HNF4G: variants seen among roughly 807,000 people sequenced by gnomAD.
HNF4G encodes hepatocyte nuclear factor 4 gamma.
In HNF4G, 21 loss-of-function variants were observed where a neutral mutation model predicts 50.9. That is an observed-to-expected ratio of 0.41 (90% CI 0.29 to 0.59). HNF4G has a LOEUF of 0.59. HNF4G is among the 20% of genes least tolerant of loss of function. HNF4G has a pLI of 0.26. For synonymous variants in HNF4G, 198 were observed against 185.6 expected, an observed-to-expected ratio of 1.07 and a Z score of -0.54; for missense variants, 527 against 559.4, an observed-to-expected ratio of 0.94 and a Z score of 0.58.
chr8:75,414,524 A>G (rs1810584392), intron 1 of HNF4G, among the ~76,000 whole-genome samples: 1 of 152,178 alleles, frequency 6.6e-6, no homozygotes, highest in Non-Finnish European at 1.5e-5. Flanking sequence ...GCTCTTTTAT[A>G]CACTCTTTCT....
At chr8:75,471,845 A>G (rs1171255404) in intron 1 of HNF4G, among the ~76,000 whole-genome samples, 1 of 152,214 alleles carries the variant, frequency 6.6e-6, no homozygotes, top group Non-Finnish European at 1.5e-5. Context: ...GGAAACCTTA[A>G]AAGAGCAAAT....
intron 9 of HNF4G, among the ~76,000 whole-genome samples, chr8:75,561,699 G>A (rs1478618438): frequency 6.6e-6 from 1 of 152,034 alleles, no homozygotes; most frequent in Non-Finnish European, 1.5e-5. Context: ...GAGTTACCGT[G>A]GTAATTGAAA....
intron 1 of HNF4G, among the ~76,000 whole-genome samples, chr8:75,431,694 G>A (rs190321733): frequency 6.6e-6 from 1 of 152,216 alleles, no homozygotes; most frequent in Non-Finnish European, 1.5e-5. Flanking sequence ...TTGGGAGGCT[G>A]AGGGGGGTGG....
At chr8:75,447,443 A>C (rs1213105862) in intron 1 of HNF4G, among the ~76,000 whole-genome samples, 29 of 136,034 alleles carry the variant, frequency 2.1e-4, no homozygotes, top group African/African-American at 6.5e-4. Context: ...GGATCTAATT[A>C]AACTAAAGAG....
chr8:75,459,131 T>C lies in HNF4G; in HGVS notation c.-143-30958T>C, dbSNP rs191816106. On this transcript the variant is annotated intron_variant, in intron 1 of 10. Transcript: ENST00000354370. ...TCACCCTTCAGGCAGAGTGGGATTATATAAAGGAAGGTAATTCCTATTCCG... is the reference window on the plus strand; with the variant it reads ...TCACCCTTCAGGCAGAGTGGGATTACATAAAGGAAGGTAATTCCTATTCCG... Among the ~76,000 whole-genome samples, 5 of 152,318 alleles carry C rather than the reference T, an allele frequency of 3.3e-5. No individual in the cohort carries two copies. The East Asian group carries it at 9.6e-4, about 29-fold the overall frequency.
At position 75,429,401 on chromosome 8, in the gene HNF4G, T is replaced by TA. The variant is rs1810957287; in HGVS notation, c.-144+21241dup. On this transcript the variant is annotated intron_variant, in intron 1 of 10. Transcript: ENST00000354370. ...TTCTTTAGACAACATACAGACATAT[T>TA]AATATAAAGTAAGTGTTTGGGCTCT... Among the ~76,000 whole-genome samples, 4 of 152,150 alleles carry TA rather than the reference T, an allele frequency of 2.6e-5. No homozygotes were observed. The South Asian group carries it at 8.3e-4, about 32-fold the overall frequency.
intron 2 of HNF4G, among the ~76,000 whole-genome samples, chr8:75,532,108 T>A (rs1806343184): frequency 6.6e-6 from 1 of 152,100 alleles, no homozygotes; most frequent in South Asian, 2.1e-4. Context: ...AAAACCCCTC[T>A]ACCTCATCAA....
chr8:75,478,648 C>T (rs1169295645), intron 1 of HNF4G, among the ~76,000 whole-genome samples: 1 of 152,160 alleles, frequency 6.6e-6, no homozygotes, highest in Non-Finnish European at 1.5e-5. Context: ...TATTCTTGCT[C>T]AAGCTAGTGT....
At chr8:75,505,382 A>C (rs992133302) in intron 2 of HNF4G, among the ~76,000 whole-genome samples, 4 of 152,134 alleles carry the variant, frequency 2.6e-5, no homozygotes, top group African/African-American at 9.7e-5. Context: ...CACCTTTGGA[A>C]TATGCAAATG....
At chr8:75,506,458 A>C (rs188786330) in intron 2 of HNF4G, among the ~76,000 whole-genome samples, 1 of 152,264 alleles carries the variant, frequency 6.6e-6, no homozygotes, top group Non-Finnish European at 1.5e-5. Flanking sequence ...TACTAAAGTG[A>C]ATCTCTGATT....
At chr8:75,528,531 T>C (rs1585925048) in intron 2 of HNF4G, among the ~76,000 whole-genome samples, 2 of 152,306 alleles carry the variant, frequency 1.3e-5, no homozygotes, top group South Asian at 4.1e-4. Context: ...TTTCTCTGTG[T>C]TTGAAAAATG....
chr8:75,471,454 A>C (rs1172137802), intron 1 of HNF4G, among the ~76,000 whole-genome samples: 1 of 152,200 alleles, frequency 6.6e-6, no homozygotes, highest in African/African-American at 2.4e-5. Context: ...CATAGTTTGA[A>C]TAGTTAAAAT....
At chr8:75,513,464 A>G (rs549748491) in intron 2 of HNF4G, among the ~76,000 whole-genome samples, 43 of 152,354 alleles carry the variant, frequency 2.8e-4, no homozygotes, top group African/African-American at 1.0e-3. Flanking sequence ...GAAAATTGCC[A>G]TAAAATTGTT....
chr8:75,461,238 G>A (rs1322793973), intron 1 of HNF4G, among the ~76,000 whole-genome samples: 5 of 152,016 alleles, frequency 3.3e-5, no homozygotes, highest in Admixed American at 2.0e-4. Context: ...TGTCAACAGG[G>A]GTGCATTCCT....
chr8:75,498,991 CT>C (rs1409079766), intron 2 of HNF4G, among the ~76,000 whole-genome samples: 1 of 151,974 alleles, frequency 6.6e-6, no homozygotes, highest in East Asian at 1.9e-4. Context: ...TCTGTTTTTG[CT>C]ACTTCTATTT....
intron 1 of HNF4G, among the ~76,000 whole-genome samples, chr8:75,479,469 T>A (rs1812320524): frequency 6.6e-6 from 1 of 152,134 alleles, no homozygotes; most frequent in African/African-American, 2.4e-5. Context: ...GAGGAGACTG[T>A]CTTTAGAGCC....
chr8:75,538,781 G>A (rs989073623), upstream of HNF4G, among the ~76,000 whole-genome samples: 1 of 152,110 alleles, frequency 6.6e-6, no homozygotes, highest in Admixed American at 6.6e-5. Context: ...CTGCTAAATT[G>A]ACTCTAAGCT....
In HNF4G at chr8:75,558,593, T is replaced by G; in HGVS notation, c.809T>G (p.Leu270Arg). The G allele has an allele frequency of 6.2e-7, 1 of 1,613,934 alleles. No individual in the cohort carries two copies. The highest frequency in any genetic ancestry group is 8.5e-7 in the Non-Finnish European group (1 of 1,179,808). ...GTGGCCAATCGTGTTCTAGATGAGC[T>G]GGTTAGACCATTTCAAGAAATCCAG... is the stretch of plus-strand genomic sequence containing the variant. The part of the protein sequence containing the change: ...SRVANRVLDE[L>R]VRPFQEIQID... The change falls in exon 7 of 10, where the codon CTG becomes CGG. Residue 270 changes from leucine (L) to arginine (R), a missense_variant. Physicochemically the swap from Leu to Arg is moderately radical, Grantham distance 102. This residue lies in a region of HNF4G where 308 missense variants were observed against 301.5 expected (regional missense o/e 1.02). Coordinates refer to ENST00000396423, the MANE Select transcript of HNF4G (RefSeq NM_004133.5).
At chr8:75,501,670 T>C (rs944686612) in intron 2 of HNF4G, among the ~76,000 whole-genome samples, 2 of 152,120 alleles carry the variant, frequency 1.3e-5, no homozygotes, top group Non-Finnish European at 2.9e-5. Flanking sequence ...CCAAAATATA[T>C]CCCAGATAAA....
Sources: gnomAD v4.1 joint callset for allele counts (sites outside exome capture counted in the v4.1 genomes callset) on GRCh38, gnomAD v4.1.1 for gene constraint, gnomAD v4.1.1 regional missense constraint, MANE v1.5 for transcripts, NCBI Gene and HGNC (gene_info 2026-07-23, HGNC 2026-07-21) for gene names.